Variants in FANCC observed in about 807,000 individuals in gnomAD.
FANCC encodes the protein FA complementation group C, also known as Fanconi anemia group C protein.
FANCC carries 55 observed loss-of-function variants against 71.3 expected under a neutral mutation model. The observed-to-expected ratio is 0.77, with a 90% confidence interval of 0.62 to 0.97. FANCC has a LOEUF of 0.97. Ranked by LOEUF, FANCC falls within the 50% of genes least tolerant of loss-of-function variation. The pLI, the probability that FANCC is intolerant of heterozygous loss-of-function variation, is 0.00. For missense variants in FANCC, 678 were observed against 670.9 expected, an observed-to-expected ratio of 1.01 and a Z score of -0.12; for synonymous variants, 275 against 244.9, an observed-to-expected ratio of 1.12 and a Z score of -1.15.
intron 1 of FANCC, among the ~76,000 whole-genome samples, chr9:95,304,864 T>G (rs1001536705): frequency 6.6e-6 from 1 of 151,936 alleles, no homozygotes; most frequent in South Asian, 2.1e-4. Context: ...AAAGTTCCTC[T>G]GAAAAAGGTA....
rs879715650 is a variant in FANCC at position 95,301,207 on chromosome 9, A to AC, written c.-79+16318_-79+16319insG. Among the ~76,000 whole-genome samples the AC allele has an allele frequency of 8.5e-3, 1,090 of 128,204 alleles. 7 individuals carry two copies. The highest frequency in any genetic ancestry group is 0.011 in the Non-Finnish European group (671 of 59,926). The allele number at this position is 128,204 out of a possible 152,430, so 84.1% of individuals were successfully genotyped here. On this transcript the variant is annotated intron_variant, in intron 1 of 14. Coordinates refer to ENST00000289081, the MANE Select transcript of FANCC (RefSeq NM_000136.3). Reference sequence around the variant, plus strand: ...ACACACACACACACACACACACACAAAATTGTTAAAGTAACAGAGGAGTTA... The same window carrying AC: ...ACACACACACACACACACACACACAACAATTGTTAAAGTAACAGAGGAGTTA...
intron 1 of FANCC, chr9:95,293,190 C>A (rs1834163283): frequency 1.2e-6 from 2 of 1,612,152 alleles, no homozygotes; most frequent in Non-Finnish European, 8.5e-7. Context: ...CTCTTTCTTA[C>A]AACATCACCG....
At chr9:95,107,580 G>A in intron 13 of FANCC, 1 of 473,394 alleles carries the variant, frequency 2.1e-6, no homozygotes, top group South Asian at 2.3e-5. Context: ...TTATATTGTG[G>A]GAAAAAGAAC....
intron 7 of FANCC, 25 bp from the exon 8 acceptor site, chr9:95,135,527 T>C: frequency 6.2e-7 from 1 of 1,610,058 alleles, no homozygotes; most frequent in Non-Finnish European, 8.5e-7. Context: ...TAAACAAAAT[T>C]TTAAACAGAA....
intron 6 of FANCC, 135 bp from the exon 7 acceptor site, chr9:95,150,222 C>G: frequency 1.2e-6 from 1 of 802,356 alleles, no homozygotes; most frequent in Non-Finnish European, 2.1e-6. Context: ...GACTCTAACA[C>G]CATCGATGAA....
At chr9:95,186,296 G>A (rs1286278314) in intron 4 of FANCC, among the ~76,000 whole-genome samples, 2 of 152,170 alleles carry the variant, frequency 1.3e-5, no homozygotes, top group African/African-American at 4.8e-5. Flanking sequence ...GCCACCATTG[G>A]CATTTTGGGC....
Position 95,268,567 on chromosome 9 carries a change from G to C in FANCC, c.-78-19198C>G, listed in dbSNP as rs1832532716. On this transcript the variant is annotated intron_variant, in intron 1 of 14. Coordinates refer to ENST00000289081, the MANE Select transcript of FANCC (RefSeq NM_000136.3). ...CATAAAGGAAAACATAAACAAGAAT[G>C]ATACCCTGAGTTATGTGGAAAGGAA... 2.6e-5 allele frequency among the ~76,000 whole-genome samples: 4 copies of C among 152,270 alleles called. No individual in the cohort carries two copies. In the South Asian group the frequency reaches 8.3e-4, roughly 32 times the overall value.
chr9:95,104,924 C>T (rs1045459401), intron 14 of FANCC, among the ~76,000 whole-genome samples: 1 of 152,178 alleles, frequency 6.6e-6, no homozygotes, highest in Non-Finnish European at 1.5e-5. Context: ...TAGATCCCAC[C>T]CATAGGTGAG....
intron 1 of FANCC, among the ~76,000 whole-genome samples, chr9:95,312,465 C>T (rs1382333269): frequency 2.0e-5 from 3 of 152,180 alleles, no homozygotes; most frequent in African/African-American, 7.2e-5. Flanking sequence ...CTGGGCTCAA[C>T]GATCCTCCCA....
intron 1 of FANCC, among the ~76,000 whole-genome samples, chr9:95,269,535 T>C (rs1761621575): frequency 6.6e-6 from 1 of 152,164 alleles, no homozygotes; most frequent in South Asian, 2.1e-4. Flanking sequence ...ATAAGTAACA[T>C]TGGGGAGAGC....
At chr9:95,167,582 T>C (rs1825383200) in intron 6 of FANCC, among the ~76,000 whole-genome samples, 1 of 152,188 alleles carries the variant, frequency 6.6e-6, no homozygotes, top group African/African-American at 2.4e-5. Context: ...TTTGATCAAG[T>C]CTACTGCTGA....
chr9:95,130,299 T>TGTGTGA (rs369901906), intron 8 of FANCC, among the ~76,000 whole-genome samples: 3 of 149,192 alleles, frequency 2.0e-5, no homozygotes, highest in Non-Finnish European at 4.5e-5. Context: ...TGTGTGTGTG[T>TGTGTGA]GAGAGAGAGA....
At chr9:95,200,858 G>T (rs900442103) in intron 4 of FANCC, among the ~76,000 whole-genome samples, 3 of 151,928 alleles carry the variant, frequency 2.0e-5, no homozygotes, top group Non-Finnish European at 4.4e-5. Flanking sequence ...GGAATAAAAG[G>T]CGCATATTTT....
intron 4 of FANCC, among the ~76,000 whole-genome samples, chr9:95,223,445 TA>T (rs1478870386): frequency 6.6e-6 from 1 of 152,224 alleles, no homozygotes; most frequent in African/African-American, 2.4e-5. Context: ...TCATGTTGAT[TA>T]GGGTCCACCT....
At chr9:95,231,044 G>A (rs1016756989) in intron 4 of FANCC, among the ~76,000 whole-genome samples, 4 of 152,138 alleles carry the variant, frequency 2.6e-5, no homozygotes, top group African/African-American at 9.7e-5. Flanking sequence ...ACTTGACCTA[G>A]GAAGTCCAGC....
At chr9:95,294,871 G>A (rs1019783467) in intron 1 of FANCC, 20 of 1,407,144 alleles carry the variant, frequency 1.4e-5, no homozygotes, top group African/African-American at 1.2e-4. Flanking sequence ...TTAAAACTAC[G>A]GACGGGGGAC....
chr9:95,235,553 G>C lies in FANCC; in HGVS notation c.345+5096C>G, dbSNP rs150098178. Among the ~76,000 whole-genome samples the C allele has an allele frequency of 4.0e-3, 612 of 152,174 alleles. 4 individuals carry two copies. Among genetic ancestry groups the C allele is most frequent in the African/African-American group, 0.014 (573 of 41,544 alleles). Reference sequence around the variant, plus strand: ...GACTGCAGAAAAATTTCTTAAATAAGGCACAAAGTGGCCAGGCACAGTGGC... The same window carrying C: ...GACTGCAGAAAAATTTCTTAAATAACGCACAAAGTGGCCAGGCACAGTGGC... On this transcript the variant is annotated intron_variant, in intron 4 of 14. Coordinates refer to ENST00000289081, the MANE Select transcript of FANCC (RefSeq NM_000136.3).
chr9:95,129,922 T>C (rs958693660), intron 8 of FANCC, among the ~76,000 whole-genome samples: 24 of 152,030 alleles, frequency 1.6e-4, no homozygotes, highest in African/African-American at 5.8e-4. Context: ...TTCCCTCTGA[T>C]CTCCCCTCAT....
At position 95,103,773 on chromosome 9, in the gene FANCC, A is replaced by G. The variant is rs551441939; in HGVS notation, c.1534-1923T>C. On this transcript the variant is annotated intron_variant, in intron 14 of 14. Coordinates refer to ENST00000289081, the MANE Select transcript of FANCC (RefSeq NM_000136.3). ...GTGCCTGGAGAAGAGCCCACTGCGC[A>G]GAGCTCACTGCAGAGGCCACACAGG... Among the ~76,000 whole-genome samples the G allele has an allele frequency of 2.6e-5, 4 of 152,360 alleles. No homozygotes were observed. In the East Asian group the frequency reaches 7.7e-4, roughly 29 times the overall value.
Sources: allele counts gnomAD v4.1 joint callset (sites outside exome capture counted in the v4.1 genomes callset), GRCh38; gene constraint gnomAD v4.1.1; transcripts MANE v1.5; gene names NCBI Gene and HGNC (gene_info 2026-07-23, HGNC 2026-07-21).